Variants in LUZP2 observed in about 807,000 individuals in gnomAD.
The protein encoded by LUZP2 is leucine zipper protein 2.
Under a neutral mutation model 51.6 loss-of-function variants are expected in LUZP2, and 52 were observed. The ratio of observed to expected loss-of-function variants is 1.01; its 90% CI spans 0.81 to 1.27. The LOEUF (loss-of-function observed/expected upper bound fraction) is 1.27, where lower values mean the gene tolerates loss of function less well. Among genes scored for constraint, LUZP2 ranks in the 50% most tolerant of loss-of-function variants. The pLI is 0.00. For missense variants in LUZP2, 436 were observed against 395.4 expected, an observed-to-expected ratio of 1.10 and a Z score of -0.87; for synonymous variants, 154 against 137.3, an observed-to-expected ratio of 1.12 and a Z score of -0.85.
chr11:24,628,874 A>G (rs574039893), intron 1 of LUZP2, among the ~76,000 whole-genome samples: 25 of 152,162 alleles, frequency 1.6e-4, no homozygotes, highest in Admixed American at 1.4e-3. Flanking sequence ...GGTCCTTTAT[A>G]CAGGTGAATA....
intron 5 of LUZP2, among the ~76,000 whole-genome samples, chr11:24,885,087 A>G (rs1313124402): frequency 6.6e-6 from 1 of 152,062 alleles, no homozygotes; most frequent in Non-Finnish European, 1.5e-5. Flanking sequence ...GAGACATATC[A>G]TCATGTGAAA....
intron 1 of LUZP2, among the ~76,000 whole-genome samples, chr11:24,634,708 T>C (rs1855017784): frequency 6.6e-6 from 1 of 152,136 alleles, no homozygotes; most frequent in African/African-American, 2.4e-5. Flanking sequence ...GTTTACTCGT[T>C]TGCATTATGA....
chr11:24,812,280 C>T (rs1297673101), intron 5 of LUZP2, among the ~76,000 whole-genome samples: 1 of 152,096 alleles, frequency 6.6e-6, no homozygotes, highest in African/African-American at 2.4e-5. Flanking sequence ...ACCTTGAGAT[C>T]CTTATTTACT....
At chr11:24,567,565 A>G (rs533897607) in intron 1 of LUZP2, among the ~76,000 whole-genome samples, 50 of 152,234 alleles carry the variant, frequency 3.3e-4, no homozygotes, top group African/African-American at 1.2e-3. Context: ...TTAAAGAGAA[A>G]TTGAAACAGA....
chr11:24,614,254 G>C (rs1565029832), intron 1 of LUZP2, among the ~76,000 whole-genome samples: 1 of 151,836 alleles, frequency 6.6e-6, no homozygotes. Context: ...TTTTTGGTAA[G>C]TCTTCTCTAT....
At chr11:25,010,399 A>G (rs930943028) in intron 9 of LUZP2, among the ~76,000 whole-genome samples, 4 of 151,694 alleles carry the variant, frequency 2.6e-5, no homozygotes, top group African/African-American at 9.7e-5. Context: ...ACTAAAAACT[A>G]CGAAATTGGC....
chr11:24,630,425 G>A (rs574395170), intron 1 of LUZP2, among the ~76,000 whole-genome samples: 98 of 152,040 alleles, frequency 6.4e-4, no homozygotes, highest in African/African-American at 2.2e-3. Flanking sequence ...AATTTTCCTA[G>A]CACCATTTAT....
intron 4 of LUZP2, among the ~76,000 whole-genome samples, chr11:24,740,324 A>G (rs1258068249): frequency 6.6e-6 from 1 of 152,160 alleles, no homozygotes; most frequent in East Asian, 1.9e-4. Flanking sequence ...AGCACAAACC[A>G]AAGTTAGAAT....
chr11:24,970,389 G>A lies in LUZP2; in HGVS notation c.523-6202G>A, dbSNP rs1333938123. Among the ~76,000 whole-genome samples the A allele has an allele frequency of 2.6e-5, 4 of 152,224 alleles. No individual in the cohort carries two copies. In the East Asian group the frequency reaches 7.7e-4, roughly 29 times the overall value. Reference sequence around the variant, plus strand: ...TGTCTCACATCCTTTTCAGAGGAAAGTAAGGTATAGTTTTATATTCTATAA... The same window carrying A: ...TGTCTCACATCCTTTTCAGAGGAAAATAAGGTATAGTTTTATATTCTATAA... On this transcript the variant is annotated intron_variant, in intron 7 of 11. Coordinates refer to ENST00000336930, the MANE Select transcript of LUZP2 (RefSeq NM_001009909.4).
chr11:24,788,796 A>G (rs1196980853), intron 5 of LUZP2, among the ~76,000 whole-genome samples: 2 of 152,118 alleles, frequency 1.3e-5, no homozygotes, highest in African/African-American at 4.8e-5. Context: ...TCTGCTGCTG[A>G]ATTCCCTCTT....
chr11:24,700,127 T>C (rs979296417), intron 1 of LUZP2, among the ~76,000 whole-genome samples: 3 of 138,590 alleles, frequency 2.2e-5, no homozygotes, highest in Non-Finnish European at 4.6e-5. Flanking sequence ...AGTGGTGCAA[T>C]CTCTGCTCAC....
At chr11:24,654,717 G>T (rs1006337096) in intron 1 of LUZP2, among the ~76,000 whole-genome samples, 1 of 151,102 alleles carries the variant, frequency 6.6e-6, no homozygotes, top group Non-Finnish European at 1.5e-5. Flanking sequence ...TAGAGGCAGG[G>T]TTTCACCATC....
At chr11:24,706,584 T>C (rs1334204586) in intron 1 of LUZP2, among the ~76,000 whole-genome samples, 1 of 152,136 alleles carries the variant, frequency 6.6e-6, no homozygotes, top group African/African-American at 2.4e-5. Flanking sequence ...CAGATTAAAG[T>C]GCAGCCTAAA....
At chr11:25,009,454 T>A (rs1856923464) in intron 9 of LUZP2, among the ~76,000 whole-genome samples, 1 of 152,144 alleles carries the variant, frequency 6.6e-6, no homozygotes, top group Non-Finnish European at 1.5e-5. Flanking sequence ...TTAAAATATG[T>A]ATTTATTGGA....
chr11:24,765,562 T>C (rs2134038406), intron 5 of LUZP2, among the ~76,000 whole-genome samples: 1 of 152,332 alleles, frequency 6.6e-6, no homozygotes. Context: ...ACCACATTTA[T>C]TGACCACATA....
intron 7 of LUZP2, among the ~76,000 whole-genome samples, chr11:24,918,174 G>T (rs941636287): frequency 1.3e-5 from 2 of 151,816 alleles, no homozygotes; most frequent in South Asian, 2.1e-4. Context: ...GTGATTTTTG[G>T]ACATTGATTT....
chr11:24,653,639 T>C (rs1855707946), intron 1 of LUZP2, among the ~76,000 whole-genome samples: 1 of 152,176 alleles, frequency 6.6e-6, no homozygotes, highest in African/African-American at 2.4e-5. Context: ...TAGGGATGAA[T>C]TCCTCTAGCT....
At chr11:24,921,910 C>A (rs1016426091) in intron 7 of LUZP2, among the ~76,000 whole-genome samples, 3 of 152,056 alleles carry the variant, frequency 2.0e-5, no homozygotes, top group African/African-American at 7.2e-5. Flanking sequence ...CTCAACACAA[C>A]CCCTATGAGA....
intron 1 of LUZP2, among the ~76,000 whole-genome samples, chr11:24,581,003 G>A (rs1281519362): frequency 6.6e-6 from 1 of 151,908 alleles, no homozygotes; most frequent in Non-Finnish European, 1.5e-5. Context: ...TGCATTTGTT[G>A]AACAATCTCA....
Sources: gnomAD v4.1 joint callset for allele counts (sites outside exome capture counted in the v4.1 genomes callset) on GRCh38, gnomAD v4.1.1 for gene constraint, MANE v1.5 for transcripts, NCBI Gene and HGNC (gene_info 2026-07-23, HGNC 2026-07-21) for gene names.